The following DRC8 variants were observed in gnomAD, a reference collection of about 807,000 sequenced individuals.
DRC8 encodes dynein regulatory complex subunit 8.
At chr1:245,083,338 A>G in the DRC8 span, 2 of 1,037,406 alleles carry the variant, frequency 1.9e-6, no homozygotes, top group Non-Finnish European at 3.0e-6. Flanking sequence ...ATTGTCTTCC[A>G]TGAAACTGGT....
the DRC8 span, among the ~76,000 whole-genome samples, chr1:245,088,725 C>T: frequency 5.3e-5 from 8 of 152,254 alleles, no homozygotes; most frequent in African/African-American, 1.9e-4. The surrounding 1 kb of genome is among the most constrained non-coding windows in gnomAD (Gnocchi z 4.6). Flanking sequence ...AGAAGGCTTC[C>T]CAGGACAGGA....
chr1:245,068,985 C>T, the DRC8 span, among the ~76,000 whole-genome samples: 1 of 152,132 alleles, frequency 6.6e-6, no homozygotes, highest in African/African-American at 2.4e-5. Flanking sequence ...AATGATTTTT[C>T]CCTTCTGTTA....
the DRC8 span, among the ~76,000 whole-genome samples, chr1:244,973,322 A>G: frequency 2.0e-5 from 3 of 152,218 alleles, no homozygotes; most frequent in African/African-American, 7.2e-5. Flanking sequence ...CACACAAAAG[A>G]AAGGATAATT....
the DRC8 span, among the ~76,000 whole-genome samples, chr1:244,987,346 G>A: frequency 4.0e-5 from 6 of 151,874 alleles, no homozygotes; most frequent in South Asian, 2.1e-4. Context: ...GATTACAGGC[G>A]TGCATCACCA....
At chr1:244,971,787 C>T in the DRC8 span, among the ~76,000 whole-genome samples, 1 of 152,044 alleles carries the variant, frequency 6.6e-6, no homozygotes, top group South Asian at 2.1e-4. Flanking sequence ...CATGAAACTG[C>T]CAACGATCTC....
the DRC8 span, among the ~76,000 whole-genome samples, chr1:245,073,187 G>T: frequency 6.6e-6 from 1 of 152,154 alleles, no homozygotes; most frequent in African/African-American, 2.4e-5. Flanking sequence ...CCAGGCTGGA[G>T]TGCAGTGGCA....
the DRC8 span, among the ~76,000 whole-genome samples, chr1:245,049,293 G>T: frequency 6.6e-6 from 1 of 152,134 alleles, no homozygotes; most frequent in East Asian, 1.9e-4. The surrounding 1 kb of genome is among the most constrained non-coding windows in gnomAD (Gnocchi z 4.5). Context: ...CCTCAGTGTA[G>T]GTCTTCTAAG....
the DRC8 span, chr1:245,086,859 C>T: frequency 7.9e-5 from 42 of 529,972 alleles, 1 homozygote; most frequent in Middle Eastern, 7.6e-3. Flanking sequence ...GTGCTTTAAC[C>T]ACTCAGTTAT....
At chr1:245,069,096 A>T in the DRC8 span, among the ~76,000 whole-genome samples, 2 of 152,166 alleles carry the variant, frequency 1.3e-5, no homozygotes, top group South Asian at 4.1e-4. Context: ...GCTACAGTTG[A>T]CCCTTAAACA....
chr1:245,105,720 G>A, the DRC8 span, among the ~76,000 whole-genome samples: 1 of 151,844 alleles, frequency 6.6e-6, no homozygotes, highest in South Asian at 2.1e-4. Context: ...TTCAGAAAAG[G>A]CACAGCAGTT....
the DRC8 span, among the ~76,000 whole-genome samples, chr1:245,007,245 G>C: frequency 6.6e-6 from 1 of 152,058 alleles, no homozygotes; most frequent in Non-Finnish European, 1.5e-5. Flanking sequence ...AATTTCATGT[G>C]TGTGGGGAGG....
chr1:245,091,838 C>G, the DRC8 span: 1 of 152,252 alleles, frequency 6.6e-6, no homozygotes, highest in African/African-American at 2.4e-5. Context: ...TATTTTGCCT[C>G]TTCAGCTCAC....
At chr1:245,067,135 A>C in the DRC8 span, among the ~76,000 whole-genome samples, 1 of 152,028 alleles carries the variant, frequency 6.6e-6, no homozygotes, top group East Asian at 1.9e-4. Context: ...TTACTTATTT[A>C]CTTATTTTTC....
chr1:245,068,313 A>C, the DRC8 span, among the ~76,000 whole-genome samples: 1 of 152,210 alleles, frequency 6.6e-6, no homozygotes, highest in African/African-American at 2.4e-5. Flanking sequence ...AAAAATTTTA[A>C]ATAAATAGGA....
the DRC8 span, among the ~76,000 whole-genome samples, chr1:245,044,627 G>C: frequency 6.6e-6 from 1 of 151,836 alleles, no homozygotes; most frequent in Non-Finnish European, 1.5e-5. Flanking sequence ...GCCCAGGCTG[G>C]AGTGCAGTGG....
At chr1:244,990,151 C>T in the DRC8 span, among the ~76,000 whole-genome samples, 2 of 152,228 alleles carry the variant, frequency 1.3e-5, no homozygotes, top group Admixed American at 6.5e-5. Flanking sequence ...CCTGACACTG[C>T]ATCATGGTGC....
At chr1:245,060,142 G>GGA in the DRC8 span, among the ~76,000 whole-genome samples, 1 of 152,174 alleles carries the variant, frequency 6.6e-6, no homozygotes, top group Non-Finnish European at 1.5e-5. Context: ...ATGGCAAAGG[G>GGA]GATAACAGGA....
the DRC8 span, among the ~76,000 whole-genome samples, chr1:245,084,100 C>T: frequency 5.0e-5 from 5 of 99,458 alleles, no homozygotes; most frequent in Admixed American, 1.5e-4. Context: ...TTTTTTGAGA[C>T]GGATCCGGTC....
chr1:245,084,057 AT>A, the DRC8 span, among the ~76,000 whole-genome samples: 23,192 of 63,342 alleles, frequency 0.37, 5,473 homozygotes, highest in Non-Finnish European at 0.46. Context: ...GAATATAAAA[AT>A]TCCGCCCCCC....
Sources: gnomAD v4.1 joint callset for allele counts (sites outside exome capture counted in the v4.1 genomes callset) on GRCh38, gnomAD v4.1.1 for gene constraint, Gnocchi (gnomAD v3.1) non-coding constraint, MANE v1.5 for transcripts, NCBI Gene and HGNC (gene_info 2026-07-23, HGNC 2026-07-21) for gene names.